Variants in GRK1 observed in about 807,000 individuals in gnomAD.
GRK1 encodes the protein G protein-coupled receptor kinase 1.
A neutral mutation model predicts 41.7 loss-of-function variants in GRK1; 28 were observed. That is an observed-to-expected ratio of 0.67 (90% CI 0.50 to 0.92). The LOEUF is 0.92. GRK1 is among the 40% of genes least tolerant of loss of function. The pLI, the probability that GRK1 is intolerant of heterozygous loss-of-function variation, is 0.00. For missense variants in GRK1, 703 were observed against 671.2 expected (o/e 1.05, Z -0.52); for synonymous variants, 327 against 286.7 (o/e 1.14, Z -1.42).
the GRK1 span, among the ~76,000 whole-genome samples, chr13:113,652,475 C>G: frequency 1.3e-5 from 2 of 152,224 alleles, no homozygotes; most frequent in Non-Finnish European, 2.9e-5. Context: ...CCCCACACCC[C>G]CTAAGGGGCC....
chr13:113,723,426 G>A (rs1365801119), intron 4 of GRK1, among the ~76,000 whole-genome samples: 1 of 152,042 alleles, frequency 6.6e-6, no homozygotes, highest in Non-Finnish European at 1.5e-5. Context: ...CTGATGACAG[G>A]TGGTCGCCGC....
At chr13:113,651,111 G>C in the GRK1 span, among the ~76,000 whole-genome samples, 1 of 152,032 alleles carries the variant, frequency 6.6e-6, no homozygotes, top group Non-Finnish European at 1.5e-5. Context: ...TAGTGGGAAG[G>C]CTCCACGCGG....
intron 4 of GRK1, among the ~76,000 whole-genome samples, chr13:113,725,067 C>A (rs1355722085): frequency 6.6e-6 from 1 of 152,262 alleles, no homozygotes; most frequent in Non-Finnish European, 1.5e-5. Context: ...AGGCTGTGAC[C>A]CCTGCACAGT....
intron 2 of GRK1, among the ~76,000 whole-genome samples, chr13:113,670,557 C>A (rs1039569799): frequency 6.6e-6 from 1 of 152,212 alleles, no homozygotes; most frequent in Non-Finnish European, 1.5e-5. Flanking sequence ...CTTTTAATTT[C>A]CAAGGAAATT....
At chr13:113,730,266 G>A (rs1329839279) in intron 4 of GRK1, among the ~76,000 whole-genome samples, 1 of 95,254 alleles carries the variant, frequency 1.0e-5, no homozygotes, top group Non-Finnish European at 2.0e-5. Flanking sequence ...CCTCCATCCC[G>A]ACACAGTCCC....
rs370787431 is a variant in GRK1, at chr13:113,735,297, C to T, written c.1626C>T (p.Asp542=). ...GGCGCTCGGACGGTCAGATGCCGGA[C>T]GACATGAAGGGCATCTCCGGGGGCT... ...NVWRSDGQMP[D]DMKGISGGSS... The change falls in exon 7 of 7, where the codon GAC becomes GAT. Residue 542 remains aspartate, a synonymous_variant. Coordinates refer to ENST00000335678, the MANE Select transcript of GRK1 (RefSeq NM_002929.3). 2.6e-5 allele frequency: 40 copies of T among 1,534,924 alleles called. No homozygotes were observed. In the East Asian group the frequency reaches 6.9e-4, roughly 26 times the overall value.
At chr13:113,659,853 G>A in the GRK1 span, among the ~76,000 whole-genome samples, 1,479 of 152,314 alleles carry the variant, frequency 9.7e-3, 20 homozygotes, top group African/African-American at 0.034. Flanking sequence ...TTCACAGACT[G>A]TGGCCCTGGG....
chr13:113,650,351 A>T, the GRK1 span: 2 of 1,523,976 alleles, frequency 1.3e-6, no homozygotes, highest in Non-Finnish European at 1.8e-6. The surrounding 1 kb of genome is among the most constrained non-coding windows in gnomAD (Gnocchi z 5.0). Flanking sequence ...CCTTTCGCTA[A>T]GTGTGAGAGG....
the GRK1 span, chr13:113,655,020 G>T: frequency 1.3e-6 from 2 of 1,556,908 alleles, no homozygotes; most frequent in Non-Finnish European, 1.7e-6. Flanking sequence ...GAGCGCGTCC[G>T]TGATGTGGCG....
chr13:113,669,601 G>T, intron 1 of GRK1, 86 bp from the exon 2 acceptor site: 1 of 1,541,672 alleles, frequency 6.5e-7, no homozygotes, highest in Admixed American at 1.7e-5. Flanking sequence ...TGTGCAGTGG[G>T]CGTGGCCGGG....
In GRK1 at chr13:113,731,064, G is replaced by A. The variant is rs1262678368; in HGVS notation, c.1070-155G>A. 1.8e-5 allele frequency: 12 copies of A among 651,814 alleles called. No individual in the cohort carries two copies. Among genetic ancestry groups the A allele is most frequent in the South Asian group, 6.8e-5 (1 of 14,662 alleles). The allele number at this position is 651,814 out of a possible 1,614,324, so 40.4% of individuals were successfully genotyped here. On this transcript the variant is annotated intron_variant, in intron 4 of 6. Coordinates refer to ENST00000335678, the MANE Select transcript of GRK1 (RefSeq NM_002929.3). The surrounding 1 kb of genome is among the most constrained non-coding windows in gnomAD (Gnocchi z 5.6). ...TGCTTGGCACCCAGTAACACACAGGGCAGCCCCTCCACAAAGGATTTTCTG... is the reference window on the plus strand; with the variant it reads ...TGCTTGGCACCCAGTAACACACAGGACAGCCCCTCCACAAAGGATTTTCTG...
At chr13:113,666,899 C>T (rs142254330), upstream of GRK1, among the ~76,000 whole-genome samples, 2 of 152,308 alleles carry the variant, frequency 1.3e-5, no homozygotes, top group South Asian at 2.1e-4. Flanking sequence ...CCATCCTCTC[C>T]GTCAGGCCCA....
upstream of GRK1, among the ~76,000 whole-genome samples, chr13:113,663,020 T>A (rs186046595): frequency 0.018 from 2,682 of 152,240 alleles, 76 homozygotes; most frequent in African/African-American, 0.062. Context: ...TAGGGTTTTT[T>A]AAACATTTTT....
Position 113,667,641 on chromosome 13 carries a change from C to T in GRK1, c.255C>T (p.Ala85=), listed in dbSNP as rs2049827631. ...FLQSAEKHLP[A]LELWKDIEDY... ...AATCGGCAGAGAAGCACCTGCCGGC[C>T]CTGGAGCTCTGGAAAGACATCGAGG... The change falls in exon 1 of 7, where the codon GCC becomes GCT. Residue 85 remains alanine (A), a synonymous_variant. Transcript: ENST00000335678. This position sits in a 1 kb window ranked among gnomAD's most constrained non-coding sequence, Gnocchi z 7.5. 1.2e-6 allele frequency: 2 copies of T among 1,613,564 alleles called. No individual in the cohort carries two copies.
Position 113,668,131 on chromosome 13 carries a change from G to C in GRK1, c.699+46G>C, listed in dbSNP as rs770368646. On this transcript the variant is annotated intron_variant, in intron 1 of 6. Coordinates refer to ENST00000335678, the MANE Select transcript of GRK1 (RefSeq NM_002929.3). The stretch of plus-strand genomic sequence containing the variant: ...AGCAGGGATGGGGTGGCAGGGTGCA[G>C]GGATGGGGCGGCAGGGTGCAGAGGG... 10 of 1,552,074 alleles carry C rather than the reference G, an allele frequency of 6.4e-6. No individual in the cohort carries two copies. In the African/African-American group the frequency reaches 6.8e-5, roughly 11 times the overall value.
At chr13:113,733,754 T>C (rs1320137635) in intron 6 of GRK1, among the ~76,000 whole-genome samples, 4 of 122,166 alleles carry the variant, frequency 3.3e-5, no homozygotes, top group Non-Finnish European at 5.8e-5. Context: ...CATACATGTG[T>C]GTGCGTGTGT....
intron 4 of GRK1, 57 bp downstream of exon 4, chr13:113,723,214 A>C: frequency 3.0e-6 from 2 of 668,504 alleles, no homozygotes; most frequent in East Asian, 2.8e-5. Flanking sequence ...CCCTGTGTAC[A>C]TGTGTGTGCC....
At position 113,733,626 on chromosome 13, in the gene GRK1, C is replaced by T. The variant is rs191118300; in HGVS notation, c.1396+541C>T. Among the ~76,000 whole-genome samples, 65 of 135,816 alleles carry T rather than the reference C, an allele frequency of 4.8e-4. 2 individuals are homozygous for T. Among genetic ancestry groups the T allele is most frequent in the African/African-American group, 1.8e-3 (61 of 34,518 alleles). 89.1% of individuals were successfully genotyped at this position (135,816 alleles called of 152,430 possible). On this transcript the variant is annotated intron_variant, in intron 6 of 6. Transcript: ENST00000335678. The stretch of plus-strand genomic sequence containing the variant: ...GTGCGCATGTGTATGTGTGTGCATA[C>T]GTGTGTGCTCATGTATGTGTGCATA...
chr13:113,725,285 G>A (rs923798302), intron 4 of GRK1, among the ~76,000 whole-genome samples: 18 of 151,418 alleles, frequency 1.2e-4, no homozygotes, highest in African/African-American at 4.2e-4. Context: ...GGGCGGGGCC[G>A]GTCATGCGCG....
Sources: allele counts gnomAD v4.1 joint callset (sites outside exome capture counted in the v4.1 genomes callset), GRCh38; gene constraint gnomAD v4.1.1; non-coding constraint Gnocchi (gnomAD v3.1); transcripts MANE v1.5; gene names NCBI Gene and HGNC (gene_info 2026-07-23, HGNC 2026-07-21).